The following GRAMD1A variants were observed in gnomAD, a reference collection of about 807,000 sequenced individuals.
GRAMD1A encodes protein Aster-A.
Under a neutral mutation model 92.0 loss-of-function variants are expected in GRAMD1A, and 50 were observed. That is an observed-to-expected ratio of 0.54 (90% confidence interval 0.43 to 0.69). The LOEUF is 0.69. GRAMD1A is among the 30% of genes least tolerant of loss of function. The pLI, the probability that GRAMD1A is intolerant of heterozygous loss-of-function variation, is 0.00. For synonymous variants in GRAMD1A, 405 were observed against 403.6 expected, an observed-to-expected ratio of 1.00 and a Z score of -0.04; for missense variants, 819 against 978.9, an observed-to-expected ratio of 0.84 and a Z score of 2.18.
chr19:35,008,270 A>G (rs1341250344), intron 1 of GRAMD1A, among the ~76,000 whole-genome samples: 1 of 152,224 alleles, frequency 6.6e-6, no homozygotes, highest in Non-Finnish European at 1.5e-5. Flanking sequence ...CGAAGGTTAC[A>G]GTGAGCTGAG....
upstream of GRAMD1A, chr19:34,996,147 T>C (rs1242486678): frequency 6.5e-7 from 1 of 1,535,960 alleles, no homozygotes; most frequent in Non-Finnish European, 8.7e-7. Flanking sequence ...GCCCAGGGCC[T>C]GGCCTCTGAG....
chr19:35,000,432 T>A lies in GRAMD1A; in HGVS notation c.-47T>A. The A allele has an allele frequency of 8.1e-7, 1 of 1,228,002 alleles. No homozygotes were observed. Among genetic ancestry groups the A allele is most frequent in the Non-Finnish European group, 1.0e-6 (1 of 982,606 alleles). The allele number at this position is 1,228,002 out of a possible 1,614,324, so 76.1% of individuals were successfully genotyped here. On this transcript the variant is annotated 5_prime_UTR_variant, in exon 1 of 20. Transcript: ENST00000317991. This position sits in a 1 kb window ranked among gnomAD's most constrained non-coding sequence, Gnocchi z 4.9. ...AGCCCCGCGCAGCCCAGCCCTGCCC[T>A]GCCCTGCCCTGCCCTGCGCCCGGGG...
At chr19:35,006,452 T>C (rs1389848731) in intron 1 of GRAMD1A, among the ~76,000 whole-genome samples, 1 of 152,192 alleles carries the variant, frequency 6.6e-6, no homozygotes, top group African/African-American at 2.4e-5. Flanking sequence ...TGAGAAATAA[T>C]ACGGTTAATC....
chr19:35,010,214 A>T lies in GRAMD1A; in HGVS notation c.429+19A>T. The T allele has an allele frequency of 6.3e-7, 1 of 1,598,656 alleles. No individual in the cohort carries two copies. On this transcript the variant is annotated intron_variant, in intron 5 of 19. Transcript: ENST00000317991. ...GACCACGGTGAGCCCGCAGCGGGGCAGGGTACAGGGGCGGGGGCCCCCATG... is the reference window on the plus strand; with the variant it reads ...GACCACGGTGAGCCCGCAGCGGGGCTGGGTACAGGGGCGGGGGCCCCCATG...
Position 35,000,508 on chromosome 19 carries a change from C to T in GRAMD1A, c.8+22C>T. 2 of 1,265,660 alleles carry T rather than the reference C, an allele frequency of 1.6e-6. No homozygotes were observed. The highest frequency in any genetic ancestry group is 2.0e-6 in the Non-Finnish European group (2 of 999,478). 78.4% of individuals were successfully genotyped at this position (1,265,660 alleles called of 1,614,324 possible). On this transcript the variant is annotated intron_variant, in intron 1 of 19. Coordinates refer to ENST00000317991, the MANE Select transcript of GRAMD1A (RefSeq NM_020895.5). This position sits in a 1 kb window ranked among gnomAD's most constrained non-coding sequence, Gnocchi z 4.9. ...TCGAGTAAGGACCGGGCGACTAGAG[C>T]TCAGGGACCGGGCGCGCGGGGGAGG...
chr19:34,996,731 G>C (rs1190193447), upstream of GRAMD1A, among the ~76,000 whole-genome samples: 2 of 151,736 alleles, frequency 1.3e-5, no homozygotes, highest in Non-Finnish European at 2.9e-5. Context: ...GCTTGAACCT[G>C]GTAGGCGGAG....
At chr19:35,008,832 A>C (rs1401244252) in intron 1 of GRAMD1A, among the ~76,000 whole-genome samples, 1 of 152,138 alleles carries the variant, frequency 6.6e-6, no homozygotes, top group Admixed American at 6.6e-5. Flanking sequence ...TAAATAAATA[A>C]AATAAAGTAA....
At chr19:35,023,190 G>A (rs1480070311) in intron 17 of GRAMD1A, 46 bp from the exon 18 acceptor site, 8 of 1,375,572 alleles carry the variant, frequency 5.8e-6, no homozygotes, top group Non-Finnish European at 7.3e-6. Context: ...GGGGTGTTCA[G>A]AGCATCTAGA....
Position 35,026,074 on chromosome 19 carries a change from A to G in GRAMD1A, c.2108A>G (p.His703Arg), listed in dbSNP as rs1370762276. 6.2e-7 allele frequency: 1 copy of G among 1,604,598 alleles called. No homozygotes were observed. The highest frequency in any genetic ancestry group is 8.5e-7 in the Non-Finnish European group (1 of 1,171,534). ...DEMKFSLEKL[H>R]QGITVSDPPF... ...ATGAAGTTCTCGCTGGAGAAGCTGCACCAAGGCATCACAGTCTCAGACCCT... is the reference window on the plus strand; with the variant it reads ...ATGAAGTTCTCGCTGGAGAAGCTGCGCCAAGGCATCACAGTCTCAGACCCT... The change falls in exon 20 of 20, where the codon CAC becomes CGC. Residue 703 changes from histidine (H) to arginine (R), a missense_variant. This residue lies in a region of GRAMD1A where 577 missense variants were observed against 674.6 expected (regional missense o/e 0.86). Transcript: ENST00000317991.
At position 35,009,530 on chromosome 19, in the gene GRAMD1A, C is replaced by T. The variant is rs549830806; in HGVS notation, c.240+87C>T. 1.8e-5 allele frequency: 25 copies of T among 1,377,504 alleles called. No individual in the cohort carries two copies. In the Middle Eastern group the frequency reaches 6.8e-4, roughly 38 times the overall value. 85.3% of individuals were successfully genotyped at this position (1,377,504 alleles called of 1,614,324 possible). On this transcript the variant is annotated intron_variant, in intron 3 of 19. Transcript: ENST00000317991. ...CCCAGGCTGCAACAGTCAAGGAGTGCGTGCTGAGATGGAGTGGGTGCAGAC... is the reference window on the plus strand; with the variant it reads ...CCCAGGCTGCAACAGTCAAGGAGTGTGTGCTGAGATGGAGTGGGTGCAGAC...
In GRAMD1A at chr19:35,009,119, C is replaced by T. The variant is rs923270153; in HGVS notation, c.9C>T (p.Asp3=). MF[D]TTPHSGRSTP... ...CTTCTCTTCCTCTTCCTGCCCCCAG[C>T]ACCACACCCCACTCTGGCCGGAGCA... Residue 3 remains aspartate (D), a splice_region_variant and synonymous_variant, in exon 2 of 20, where the codon GAC becomes GAT. Coordinates refer to ENST00000317991, the MANE Select transcript of GRAMD1A (RefSeq NM_020895.5). 20 of 1,608,336 alleles carry T rather than the reference C, an allele frequency of 1.2e-5. No homozygotes were observed. The highest frequency in any genetic ancestry group is 2.2e-5 in the East Asian group (1 of 44,848).
At chr19:34,996,195 C>CCATCCAGTGATGGGT (rs2014028324), upstream of GRAMD1A, 5 of 1,535,518 alleles carry the variant, frequency 3.3e-6, no homozygotes, top group Non-Finnish European at 4.4e-6. Context: ...ATTCACATAA[C>CCATCCAGTGATGGGT]GCCATCCAGT....
chr19:35,003,417 C>T (rs1302959197), intron 1 of GRAMD1A, among the ~76,000 whole-genome samples: 4 of 152,086 alleles, frequency 2.6e-5, no homozygotes, highest in African/African-American at 9.7e-5. Flanking sequence ...ATAACAGTCC[C>T]CCAGGCTCCT....
In GRAMD1A at chr19:35,011,600, G is replaced by T. The variant is rs765330119; in HGVS notation, c.606+46G>T. ...GGTGGGGATGGGGGGTTTCCAGGGGGACCATGGAGCCAGGGACCCCAGAAC... is the reference window on the plus strand; with the variant it reads ...GGTGGGGATGGGGGGTTTCCAGGGGTACCATGGAGCCAGGGACCCCAGAAC... On this transcript the variant is annotated intron_variant, in intron 7 of 19. Transcript: ENST00000317991. 5.8e-6 allele frequency: 8 copies of T among 1,380,926 alleles called. No homozygotes were observed. In the East Asian group the frequency reaches 6.8e-5, roughly 12 times the overall value. 85.5% of individuals were successfully genotyped at this position (1,380,926 alleles called of 1,614,324 possible). A position where few individuals can be genotyped will look rare whatever the true frequency, so the allele number is the denominator to read the frequency against.
intron 13 of GRAMD1A, among the ~76,000 whole-genome samples, chr19:35,020,515 G>A (rs1351151076): frequency 1.3e-5 from 2 of 150,896 alleles, no homozygotes; most frequent in Admixed American, 6.6e-5. Context: ...TTCAGCCTGG[G>A]TGACAGAGTG....
intron 4 of GRAMD1A, 28 bp downstream of exon 4, chr19:35,010,000 C>T (rs1225872700): frequency 6.4e-7 from 1 of 1,571,198 alleles, no homozygotes. Context: ...AGTCCCAGCT[C>T]CTAGCCCAGC....
upstream of GRAMD1A, among the ~76,000 whole-genome samples, chr19:34,995,596 T>TTTC (rs1281397886): frequency 1.3e-5 from 2 of 148,900 alleles, no homozygotes; most frequent in African/African-American, 5.0e-5. Flanking sequence ...TTTTTTTTTT[T>TTTC]TCTGAGACAG....
intron 10 of GRAMD1A, chr19:35,015,260 A>G (rs933385473): frequency 2.0e-5 from 3 of 152,402 alleles, no homozygotes; most frequent in African/African-American, 7.2e-5. Context: ...TATTTCTATT[A>G]TCATTATTGT....
chr19:35,010,668 G>A (rs1475719805), intron 6 of GRAMD1A: 110 of 586,898 alleles, frequency 1.9e-4, no homozygotes, highest in Middle Eastern at 4.4e-4. Flanking sequence ...AAGTCTCCCC[G>A]ATGTTGTGTC....
Sources: allele counts gnomAD v4.1 joint callset (sites outside exome capture counted in the v4.1 genomes callset), GRCh38; gene constraint gnomAD v4.1.1; regional missense constraint gnomAD v4.1.1; non-coding constraint Gnocchi (gnomAD v3.1); transcripts MANE v1.5; gene names NCBI Gene and HGNC (gene_info 2026-07-23, HGNC 2026-07-21).